AP1M1: variants seen among roughly 807,000 people sequenced by gnomAD.
AP1M1 encodes adaptor related protein complex 1 subunit mu 1.
A neutral mutation model predicts 57.1 loss-of-function variants in AP1M1; 18 were observed. The ratio of observed to expected loss-of-function variants is 0.32; its 90% CI spans 0.22 to 0.47. The LOEUF (loss-of-function observed/expected upper bound fraction) is 0.47. AP1M1 is among the 20% of genes least tolerant of loss of function. AP1M1 has a pLI of 1.00. For synonymous variants in AP1M1, 241 were observed against 237.9 expected (o/e 1.01, Z -0.12); for missense variants, 362 against 593.5 (o/e 0.61, Z 4.05).
rs1054486043 is a variant in AP1M1 at position 16,206,225 on chromosome 19, G to A, written c.200-116G>A. ...CCATGGGCCAAGTAAACGGCTGGGAGTGGGGATAGGGAAGGCTCTGAGGGT... is the reference window on the plus strand; with the variant it reads ...CCATGGGCCAAGTAAACGGCTGGGAATGGGGATAGGGAAGGCTCTGAGGGT... On this transcript the variant is annotated intron_variant, in intron 2 of 11. Transcript: ENST00000291439. This position sits in a 1 kb window ranked among gnomAD's most constrained non-coding sequence, Gnocchi z 4.3. 3 of 1,040,044 alleles carry A rather than the reference G, an allele frequency of 2.9e-6. No individual in the cohort carries two copies. The highest frequency in any genetic ancestry group is 3.2e-5 in the African/African-American group (2 of 62,924). The allele number at this position is 1,040,044 out of a possible 1,614,324, so 64.4% of individuals were successfully genotyped here. A position where few individuals can be genotyped will look rare whatever the true frequency, so the allele number is the denominator to read the frequency against.
intron 4 of AP1M1, chr19:16,208,805 C>A: frequency 2.0e-6 from 1 of 504,004 alleles, no homozygotes; most frequent in African/African-American, 1.9e-5. Context: ...GCCTCTATAA[C>A]TTGAGTGTAT....
intron 6 of AP1M1, 62 bp downstream of exon 6, chr19:16,226,609 G>C (rs758600389): frequency 2.0e-6 from 3 of 1,519,040 alleles, no homozygotes; most frequent in Non-Finnish European, 2.7e-6. Flanking sequence ...ACACATTACA[G>C]CCTAGGGCAG....
chr19:16,231,786 G>A (rs1171413986), intron 9 of AP1M1, among the ~76,000 whole-genome samples: 3 of 152,160 alleles, frequency 2.0e-5, no homozygotes, highest in African/African-American at 7.2e-5. Context: ...ATTTGTTTTG[G>A]GTGTATCCCC....
chr19:16,200,234 A>G (rs918414784), intron 1 of AP1M1, among the ~76,000 whole-genome samples: 1 of 152,104 alleles, frequency 6.6e-6, no homozygotes, highest in Non-Finnish European at 1.5e-5. Flanking sequence ...CAGTTGCTCA[A>G]CCTCATCTTT....
chr19:16,198,957 G>A (rs1436883180), intron 1 of AP1M1, among the ~76,000 whole-genome samples: 2 of 152,114 alleles, frequency 1.3e-5, no homozygotes. Context: ...ACAGGCACCT[G>A]CCACTACGCC....
At chr19:16,230,127 T>C (rs1599466475) in intron 9 of AP1M1, among the ~76,000 whole-genome samples, 1 of 152,234 alleles carries the variant, frequency 6.6e-6, no homozygotes, top group Non-Finnish European at 1.5e-5. Flanking sequence ...CAGGCTGGCG[T>C]GGACTGTGCT....
In AP1M1 at chr19:16,244,395, G is replaced by A. The variant is rs1235784361; in HGVS notation, c.*9960G>A. ...GTGATCTCAGACGGAAGGGCATGAT[G>A]CAAGAAGAAATAAAAGCAAAGAAGT... On this transcript the variant is annotated 3_prime_UTR_variant, in exon 12 of 12. Transcript: ENST00000291439. 2 of 152,236 alleles carry A rather than the reference G, an allele frequency of 1.3e-5. No homozygotes were observed. The highest frequency in any genetic ancestry group is 6.5e-5 in the Admixed American group (1 of 15,268). The allele number at this position is 152,236 out of a possible 1,614,324, so 9.4% of individuals were successfully genotyped here. A position where few individuals can be genotyped will look rare whatever the true frequency, so the allele number is the denominator to read the frequency against.
intron 10 of AP1M1, chr19:16,233,992 C>T: frequency 1.7e-6 from 1 of 595,458 alleles, no homozygotes; most frequent in Middle Eastern, 4.5e-4. Flanking sequence ...AAGCCACATC[C>T]TGGCTGCTCA....
In AP1M1 at chr19:16,228,132, G is replaced by A; in HGVS notation, c.817-5G>A. ...TGTGAGCACCCTCTTTGCCCTCCTT[G>A]GCAGGTCAAGCCTTTGATATGGATC... On this transcript the variant is annotated splice_region_variant and splice_polypyrimidine_tract_variant and intron_variant, in intron 7 of 11. Coordinates refer to ENST00000291439, the MANE Select transcript of AP1M1 (RefSeq NM_032493.4). The surrounding 1 kb of genome is among the most constrained non-coding windows in gnomAD (Gnocchi z 5.0). 6.2e-7 allele frequency: 1 copy of A among 1,613,792 alleles called. No homozygotes were observed. Among genetic ancestry groups the A allele is most frequent in the Non-Finnish European group, 8.5e-7 (1 of 1,179,992 alleles).
chr19:16,241,176 G>T lies in AP1M1; in HGVS notation c.*6741G>T, dbSNP rs1005147993. 6.6e-6 allele frequency: 1 copy of T among 152,122 alleles called. No individual in the cohort carries two copies. Among genetic ancestry groups the T allele is most frequent in the Non-Finnish European group, 1.5e-5 (1 of 68,068 alleles). The allele number at this position is 152,122 out of a possible 1,614,324, so 9.4% of individuals were successfully genotyped here. The stretch of plus-strand genomic sequence containing the variant: ...AGAAATACAAAATTAGCCAGGTGTG[G>T]TGGCGGGCACCTGTGTTCCCAGCTA... On this transcript the variant is annotated 3_prime_UTR_variant, in exon 12 of 12. Coordinates refer to ENST00000291439, the MANE Select transcript of AP1M1 (RefSeq NM_032493.4).
chr19:16,225,481 C>T (rs886864472), intron 5 of AP1M1, among the ~76,000 whole-genome samples: 1 of 147,782 alleles, frequency 6.8e-6, no homozygotes, highest in African/African-American at 2.5e-5. Flanking sequence ...CCTGTTTCCT[C>T]ACCTCTAAAA....
intron 5 of AP1M1, among the ~76,000 whole-genome samples, chr19:16,224,933 A>G (rs1341200704): frequency 6.6e-6 from 1 of 151,994 alleles, no homozygotes; most frequent in African/African-American, 2.4e-5. Context: ...TGGACACGGC[A>G]GCGCGCAGCC....
At position 16,207,258 on chromosome 19, in the gene AP1M1, A is replaced by G. The variant is rs968235756; in HGVS notation, c.268-761A>G. 6.6e-6 allele frequency among the ~76,000 whole-genome samples: 1 copy of G among 152,106 alleles called. No individual in the cohort carries two copies. The highest frequency in any genetic ancestry group is 1.5e-5 in the Non-Finnish European group (1 of 68,000). ...CTGCCTGTGCAGAATGTTGGGGAAC[A>G]GGGGCAAGCCTGGGCGGTGAGGGCT... On this transcript the variant is annotated intron_variant, in intron 3 of 11. Transcript: ENST00000291439. This position sits in a 1 kb window ranked among gnomAD's most constrained non-coding sequence, Gnocchi z 4.2.
intron 1 of AP1M1, among the ~76,000 whole-genome samples, chr19:16,199,361 T>C (rs2091437974): frequency 1.3e-5 from 2 of 152,150 alleles, no homozygotes; most frequent in African/African-American, 4.8e-5. Context: ...TAAGAAGGGA[T>C]TGTCCCCACC....
intron 9 of AP1M1, among the ~76,000 whole-genome samples, chr19:16,230,747 C>T (rs776673742): frequency 2.0e-5 from 3 of 152,162 alleles, no homozygotes; most frequent in Non-Finnish European, 4.4e-5. Flanking sequence ...ATGTGTGTGA[C>T]TTGCCTAACT....
At chr19:16,216,262 A>G (rs1157540719) in intron 5 of AP1M1, among the ~76,000 whole-genome samples, 3 of 152,128 alleles carry the variant, frequency 2.0e-5, no homozygotes, top group South Asian at 2.1e-4. Flanking sequence ...TGGTGAACAC[A>G]GTGAAACCCC....
intron 2 of AP1M1, among the ~76,000 whole-genome samples, chr19:16,205,217 C>T (rs892305932): frequency 3.9e-5 from 6 of 152,158 alleles, no homozygotes; most frequent in African/African-American, 1.4e-4. Context: ...GGTCTGAGCT[C>T]AGCAGGAGCC....
In AP1M1 at chr19:16,235,772, C is replaced by A. The variant is rs1285742446; in HGVS notation, c.*1337C>A. On this transcript the variant is annotated 3_prime_UTR_variant, in exon 12 of 12. Transcript: ENST00000291439. Reference sequence around the variant, plus strand: ...AGGGTCCCGGAAAACATTAACAAGGCCCCCAGATGCTTCTTCTGTGAACTG... The same window carrying A: ...AGGGTCCCGGAAAACATTAACAAGGACCCCAGATGCTTCTTCTGTGAACTG... 6.6e-6 allele frequency: 1 copy of A among 152,296 alleles called. No individual in the cohort carries two copies. Among genetic ancestry groups the A allele is most frequent in the Non-Finnish European group, 1.5e-5 (1 of 68,094 alleles). 9.4% of individuals were successfully genotyped at this position (152,296 alleles called of 1,614,324 possible). A position where few individuals can be genotyped will look rare whatever the true frequency, so the allele number is the denominator to read the frequency against.
At position 16,217,519 on chromosome 19, in the gene AP1M1, C is replaced by T. The variant is rs554329346; in HGVS notation, c.546+8342C>T. Among the ~76,000 whole-genome samples, 10 of 152,210 alleles carry T rather than the reference C, an allele frequency of 6.6e-5. No homozygotes were observed. In the South Asian group the frequency reaches 2.1e-3, roughly 32 times the overall value. ...AGGTGGGCTAGTGTGTCCATGGGGC[C>T]GCTGTGCAGGAGTATTCCCCGTTCA... On this transcript the variant is annotated intron_variant, in intron 5 of 11. Coordinates refer to ENST00000291439, the MANE Select transcript of AP1M1 (RefSeq NM_032493.4).
Sources: allele counts gnomAD v4.1 joint callset (sites outside exome capture counted in the v4.1 genomes callset), GRCh38; gene constraint gnomAD v4.1.1; non-coding constraint Gnocchi (gnomAD v3.1); transcripts MANE v1.5; gene names NCBI Gene and HGNC (gene_info 2026-07-23, HGNC 2026-07-21).